Variants in FILIP1L observed in about 807,000 individuals in gnomAD.
FILIP1L encodes the protein filamin A interacting protein 1 like.
FILIP1L carries 55 observed loss-of-function variants against 96.6 expected under a neutral mutation model. The observed-to-expected ratio is 0.57, with a 90% confidence interval of 0.46 to 0.71. The LOEUF is 0.71. Among genes scored for constraint, FILIP1L ranks in the 30% least tolerant of loss-of-function variants. FILIP1L has a pLI of 0.00. For missense variants in FILIP1L, 1,304 were observed against 1,321.2 expected (o/e 0.99, Z 0.20); for synonymous variants, 467 against 473.9 (o/e 0.99, Z 0.19).
chr3:99,962,083 G>T (rs572898194), intron 1 of FILIP1L, among the ~76,000 whole-genome samples: 85 of 152,272 alleles, frequency 5.6e-4, no homozygotes, highest in Admixed American at 1.0e-3. Context: ...AGAGTACTAT[G>T]AGTTACCCAA....
At chr3:99,983,389 A>AATATATATATAT (rs397990626) in intron 1 of FILIP1L, among the ~76,000 whole-genome samples, 1 of 40,794 alleles carries the variant, frequency 2.5e-5, no homozygotes, top group Non-Finnish European at 4.5e-5. Flanking sequence ...TAAATAAATA[A>AATATATATATAT]ATATATATAT....
intron 1 of FILIP1L, among the ~76,000 whole-genome samples, chr3:100,103,740 T>G (rs955766048): frequency 1.3e-5 from 2 of 152,152 alleles, no homozygotes; most frequent in African/African-American, 4.8e-5. Context: ...AAGAAAACCT[T>G]TGGGTTTCAC....
At chr3:99,981,469 A>G (rs1709121585) in intron 1 of FILIP1L, among the ~76,000 whole-genome samples, 1 of 152,180 alleles carries the variant, frequency 6.6e-6, no homozygotes, top group Admixed American at 6.5e-5. Context: ...TAGTATTCCT[A>G]GCACTCACAA....
chr3:99,970,280 C>G (rs1054681151), intron 1 of FILIP1L, among the ~76,000 whole-genome samples: 1 of 152,222 alleles, frequency 6.6e-6, no homozygotes, highest in Non-Finnish European at 1.5e-5. Flanking sequence ...GGCAGTCTGG[C>G]TTTAGAGGCT....
intron 1 of FILIP1L, among the ~76,000 whole-genome samples, chr3:100,081,948 G>C (rs2065938532): frequency 6.6e-6 from 1 of 152,012 alleles, no homozygotes; most frequent in Non-Finnish European, 1.5e-5. Context: ...AGATAACATT[G>C]CCTTCAATTG....
At chr3:100,035,162 T>TTGA (rs1477752915) in intron 1 of FILIP1L, among the ~76,000 whole-genome samples, 2 of 152,242 alleles carry the variant, frequency 1.3e-5, no homozygotes, top group East Asian at 3.8e-4. Context: ...TATTAGCAAT[T>TTGA]TGATGATGAA....
intron 4 of FILIP1L, among the ~76,000 whole-genome samples, chr3:99,915,591 G>C (rs1265589895): frequency 6.6e-6 from 1 of 151,876 alleles, no homozygotes; most frequent in Non-Finnish European, 1.5e-5. Context: ...TCTCTAAGTA[G>C]AGTGATTTAC....
chr3:100,087,584 C>A (rs2066032419), intron 1 of FILIP1L, among the ~76,000 whole-genome samples: 1 of 151,774 alleles, frequency 6.6e-6, no homozygotes, highest in Non-Finnish European at 1.5e-5. Flanking sequence ...TAATTGTTTT[C>A]TTATTATTGA....
At chr3:99,928,244 A>C (rs73136689) in intron 3 of FILIP1L, among the ~76,000 whole-genome samples, 2 of 152,300 alleles carry the variant, frequency 1.3e-5, no homozygotes, top group Non-Finnish European at 2.9e-5. Context: ...TTTTCGGGGC[A>C]TTCCCCTCTC....
intron 1 of FILIP1L, among the ~76,000 whole-genome samples, chr3:99,965,599 G>A (rs1012754638): frequency 6.6e-6 from 1 of 152,174 alleles, no homozygotes; most frequent in Non-Finnish European, 1.5e-5. Flanking sequence ...ACCATGTATG[G>A]CCAGTGCACC....
At chr3:99,907,748 T>A (rs1706666164) in intron 4 of FILIP1L, among the ~76,000 whole-genome samples, 1 of 152,228 alleles carries the variant, frequency 6.6e-6, no homozygotes, top group Non-Finnish European at 1.5e-5. Flanking sequence ...CTTCTCTTTT[T>A]CTCCTTGTCT....
chr3:99,904,161 A>G (rs537997880), intron 4 of FILIP1L, among the ~76,000 whole-genome samples: 13 of 152,296 alleles, frequency 8.5e-5, no homozygotes, highest in Non-Finnish European at 1.8e-4. Context: ...TGTTTTTGTT[A>G]TTATTGCTCT....
chr3:99,915,289 C>T (rs1446602823), intron 4 of FILIP1L, among the ~76,000 whole-genome samples: 1 of 152,090 alleles, frequency 6.6e-6, no homozygotes, highest in African/African-American at 2.4e-5. Flanking sequence ...TTCATTCACT[C>T]ATTCAAAAAA....
At chr3:99,966,662 C>T (rs943349279) in intron 1 of FILIP1L, among the ~76,000 whole-genome samples, 2 of 152,170 alleles carry the variant, frequency 1.3e-5, no homozygotes, top group Non-Finnish European at 2.9e-5. Flanking sequence ...CATTTTCAAC[C>T]TTCAAACTCT....
intron 5 of FILIP1L, among the ~76,000 whole-genome samples, chr3:99,843,812 A>G (rs1267677232): frequency 6.6e-6 from 1 of 152,144 alleles, no homozygotes; most frequent in Non-Finnish European, 1.5e-5. Flanking sequence ...GTGGCAGGCA[A>G]GCGAGCATTA....
At chr3:99,899,421 T>C (rs1441196159) in intron 4 of FILIP1L, among the ~76,000 whole-genome samples, 1 of 152,226 alleles carries the variant, frequency 6.6e-6, no homozygotes, top group Non-Finnish European at 1.5e-5. Flanking sequence ...TAAGATCATA[T>C]TGGAAATTAT....
chr3:99,934,860 G>T (rs1269078070), intron 1 of FILIP1L, among the ~76,000 whole-genome samples: 1 of 152,214 alleles, frequency 6.6e-6, no homozygotes, highest in East Asian at 1.9e-4. Context: ...CTTCTAAAGA[G>T]ATTAGAGTTT....
chr3:100,021,954 T>TGA (rs1177315745), intron 1 of FILIP1L, among the ~76,000 whole-genome samples: 5 of 114,346 alleles, frequency 4.4e-5, no homozygotes, highest in South Asian at 3.0e-4. Flanking sequence ...TGTGTGTGTG[T>TGA]GTGTGTGAGA....
intron 4 of FILIP1L, among the ~76,000 whole-genome samples, chr3:99,872,654 T>C (rs562096158): frequency 2.0e-5 from 3 of 152,262 alleles, no homozygotes; most frequent in South Asian, 4.1e-4. Context: ...TTGGAGCCAG[T>C]AGAGCATAGA....
Sources: gnomAD v4.1 joint callset for allele counts (sites outside exome capture counted in the v4.1 genomes callset) on GRCh38, gnomAD v4.1.1 for gene constraint, MANE v1.5 for transcripts, NCBI Gene and HGNC (gene_info 2026-07-23, HGNC 2026-07-21) for gene names.